The following MND1 variants were observed in gnomAD, a reference collection of about 807,000 sequenced individuals.
The protein encoded by MND1 is meiotic nuclear divisions 1, also known as meiotic nuclear division protein 1 homolog.
MND1 carries 28 observed loss-of-function variants against 35.1 expected under a neutral mutation model. That is an observed-to-expected ratio of 0.80 (90% CI 0.59 to 1.09). The LOEUF (loss-of-function observed/expected upper bound fraction) is 1.09. MND1 is among the 50% of genes least tolerant of loss of function. The probability of loss-of-function intolerance (pLI) is 0.00; values close to 1 mark genes in which losing one functional copy is unlikely to be tolerated. For synonymous variants in MND1, 69 were observed against 70.5 expected, an observed-to-expected ratio of 0.98 and a Z score of 0.11; for missense variants, 213 against 239.6, an observed-to-expected ratio of 0.89 and a Z score of 0.73.
At position 153,397,210 on chromosome 4, in the gene MND1, G is replaced by A. The variant is rs753797700; in HGVS notation, c.352-9G>A. On this transcript the variant is annotated splice_polypyrimidine_tract_variant and intron_variant, in intron 5 of 7. Transcript: ENST00000240488. ...GTCTTAATTGAACATAAAACTATCT[G>A]GAATGCAGGAAGAGCGAACCAGGCT... is the stretch of plus-strand genomic sequence containing the variant. The A allele has an allele frequency of 1.2e-6, 2 of 1,601,760 alleles. No homozygotes were observed. The highest frequency in any genetic ancestry group is 1.7e-6 in the Non-Finnish European group (2 of 1,172,310).
At chr4:153,361,582 G>A (rs557845019) in intron 4 of MND1, 303 of 455,564 alleles carry the variant, frequency 6.7e-4, no homozygotes, top group Non-Finnish European at 1.0e-3. Flanking sequence ...GCTCACGCCT[G>A]TAATCCCAGC....
chr4:153,373,989 G>C lies in MND1; in HGVS notation c.276+15367G>C, dbSNP rs188111996. Among the ~76,000 whole-genome samples the C allele has an allele frequency of 1.4e-3, 217 of 152,286 alleles. 1 individual carries two copies. Among genetic ancestry groups the C allele is most frequent in the Admixed American group, 3.1e-3 (48 of 15,288 alleles). ...ATATGGCTTCATGGAAAGAGTAGTAGTTAGAAAGCAGACATGGATGGAAAT... is the reference window on the plus strand; with the variant it reads ...ATATGGCTTCATGGAAAGAGTAGTACTTAGAAAGCAGACATGGATGGAAAT... On this transcript the variant is annotated intron_variant, in intron 4 of 7. Coordinates refer to ENST00000240488, the MANE Select transcript of MND1 (RefSeq NM_032117.4).
At chr4:153,389,973 C>T (rs1246478318) in intron 4 of MND1, among the ~76,000 whole-genome samples, 1 of 151,696 alleles carries the variant, frequency 6.6e-6, no homozygotes, top group African/African-American at 2.4e-5. Flanking sequence ...CCCAGATGTG[C>T]TATTCGGAAA....
intron 4 of MND1, among the ~76,000 whole-genome samples, chr4:153,359,243 GTC>G (rs1485143962): frequency 6.6e-6 from 1 of 152,066 alleles, no homozygotes; most frequent in Non-Finnish European, 1.5e-5. Context: ...TCTTTTTACT[GTC>G]TCTATAGTTT....
upstream of MND1, chr4:153,344,650 G>A (rs1439834076): frequency 8.0e-7 from 1 of 1,246,958 alleles, no homozygotes; most frequent in Non-Finnish European, 1.1e-6. Flanking sequence ...CCGCGGCGTA[G>A]TCGGCGCCAA....
At chr4:153,413,551 G>A (rs532139178) in intron 7 of MND1, among the ~76,000 whole-genome samples, 27 of 152,040 alleles carry the variant, frequency 1.8e-4, no homozygotes, top group African/African-American at 4.6e-4. Flanking sequence ...GGTGGTGCAC[G>A]CCTGTTGTCT....
At chr4:153,344,873 G>T in intron 1 of MND1, 133 bp downstream of exon 1, 1 of 1,450,676 alleles carries the variant, frequency 6.9e-7, no homozygotes, top group Admixed American at 2.2e-5. Context: ...CCCGGCTCTC[G>T]GCCTCACCGT....
At chr4:153,350,268 T>C (rs879530148) in intron 2 of MND1, 139 bp downstream of exon 2, 14 of 614,686 alleles carry the variant, frequency 2.3e-5, no homozygotes, top group Non-Finnish European at 3.9e-5. Flanking sequence ...CTGCAAATAT[T>C]TGTGGTTCCT....
rs111388581 is a variant in MND1, at chr4:153,355,184, A to G, written c.70-470A>G. On this transcript the variant is annotated intron_variant, in intron 2 of 7. Coordinates refer to ENST00000240488, the MANE Select transcript of MND1 (RefSeq NM_032117.4). ...GTCTCAAAAAAAAAATTGTATATAT[A>G]TGCAAATTGTAAATGTATGCAAAAA... Among the ~76,000 whole-genome samples the G allele has an allele frequency of 8.1e-3, 1,235 of 152,130 alleles. 17 individuals are homozygous for G. Among genetic ancestry groups the G allele is most frequent in the African/African-American group, 0.028 (1,151 of 41,474 alleles).
chr4:153,345,810 A>T (rs889169402), intron 1 of MND1, among the ~76,000 whole-genome samples: 1 of 152,266 alleles, frequency 6.6e-6, no homozygotes, highest in African/African-American at 2.4e-5. Context: ...CTGGGCGTGA[A>T]GTGCTCTAAG....
intron 7 of MND1, among the ~76,000 whole-genome samples, chr4:153,413,041 A>G (rs1021844040): frequency 7.2e-5 from 11 of 152,046 alleles, no homozygotes; most frequent in Non-Finnish European, 2.9e-5. Context: ...TCTTGACCTC[A>G]TGATCCTTTT....
At chr4:153,381,870 C>T (rs1179480010) in intron 4 of MND1, 1 of 150,300 alleles carries the variant, frequency 6.7e-6, no homozygotes, top group African/African-American at 2.5e-5. Context: ...CCAGTGGTCC[C>T]CACTCCCAGG....
At chr4:153,349,095 T>C (rs1169498947) in intron 1 of MND1, among the ~76,000 whole-genome samples, 1 of 32,262 alleles carries the variant, frequency 3.1e-5, no homozygotes, top group Non-Finnish European at 5.1e-5. Context: ...GTTCTCACTC[T>C]TTTTTTTTTT....
intron 7 of MND1, among the ~76,000 whole-genome samples, chr4:153,411,713 C>G (rs567136258): frequency 6.6e-6 from 1 of 152,138 alleles, no homozygotes; most frequent in Admixed American, 6.6e-5. Flanking sequence ...GAAGTTTGTT[C>G]CCTACAAGCT....
chr4:153,386,327 CAAAA>C (rs776222530), intron 4 of MND1, among the ~76,000 whole-genome samples: 3 of 104,082 alleles, frequency 2.9e-5, no homozygotes, highest in Non-Finnish European at 6.2e-5. Context: ...CTCGTCTCTA[CAAAA>C]AAAAAAAAAA....
At chr4:153,353,350 A>G (rs1773259678) in intron 2 of MND1, among the ~76,000 whole-genome samples, 1 of 146,584 alleles carries the variant, frequency 6.8e-6, no homozygotes, top group Non-Finnish European at 1.5e-5. Context: ...GTGAATACCC[A>G]TATGCCTACC....
intron 7 of MND1, among the ~76,000 whole-genome samples, chr4:153,411,260 A>T (rs913925065): frequency 2.6e-5 from 4 of 152,188 alleles, no homozygotes; most frequent in Non-Finnish European, 5.9e-5. Context: ...TGAGGGCCCA[A>T]CCTAGATTCA....
intron 6 of MND1, among the ~76,000 whole-genome samples, chr4:153,407,753 A>T (rs1235276745): frequency 2.0e-5 from 3 of 152,184 alleles, no homozygotes; most frequent in Admixed American, 2.0e-4. Context: ...GTGTTAAGTG[A>T]GAGAGGCCAG....
chr4:153,411,109 T>A (rs995925426), intron 7 of MND1, among the ~76,000 whole-genome samples: 1 of 152,226 alleles, frequency 6.6e-6, no homozygotes, highest in Non-Finnish European at 1.5e-5. Flanking sequence ...AAATGCCACA[T>A]CTAAATGTTT....
Sources: allele counts gnomAD v4.1 joint callset (sites outside exome capture counted in the v4.1 genomes callset), GRCh38; gene constraint gnomAD v4.1.1; transcripts MANE v1.5; gene names NCBI Gene and HGNC (gene_info 2026-07-23, HGNC 2026-07-21).